VAT1L: variants seen among roughly 807,000 people sequenced by gnomAD.
The protein encoded by VAT1L is vesicle amine transport 1 like.
A neutral mutation model predicts 44.1 loss-of-function variants in VAT1L; 34 were observed. That is an observed-to-expected ratio of 0.77 (90% CI 0.59 to 1.03). The LOEUF (loss-of-function observed/expected upper bound fraction) is 1.03. Ranked by LOEUF, VAT1L falls within the 50% of genes least tolerant of loss-of-function variation. The pLI, the probability that VAT1L is intolerant of heterozygous loss-of-function variation, is 0.00. For missense variants in VAT1L, 615 were observed against 538.8 expected (o/e 1.14, Z -1.40); for synonymous variants, 253 against 202.2 (o/e 1.25, Z -2.13).
At chr16:77,959,838 G>C (rs889423373) in intron 7 of VAT1L, among the ~76,000 whole-genome samples, 1 of 152,154 alleles carries the variant, frequency 6.6e-6, no homozygotes, top group Non-Finnish European at 1.5e-5. Context: ...CCACATTCAT[G>C]GAAACTCTTT....
In VAT1L at chr16:77,879,677, T is replaced by C. The variant is rs904683421; in HGVS notation, c.882+453T>C. On this transcript the variant is annotated intron_variant, in intron 6 of 8. Transcript: ENST00000302536. The surrounding 1 kb of genome is among the most constrained non-coding windows in gnomAD (Gnocchi z 4.1). The stretch of plus-strand genomic sequence containing the variant: ...AAACCTGCACTCCTGCCCTATTCCC[T>C]GCAAATGGTCAGGACCAGAATTTAG... Among the ~76,000 whole-genome samples the C allele has an allele frequency of 2.0e-5, 3 of 152,220 alleles. No homozygotes were observed. The highest frequency in any genetic ancestry group is 7.2e-5 in the African/African-American group (3 of 41,456).
chr16:77,975,743 A>G (rs1813695823), intron 8 of VAT1L, among the ~76,000 whole-genome samples: 1 of 152,168 alleles, frequency 6.6e-6, no homozygotes, highest in Non-Finnish European at 1.5e-5. Context: ...CAAAGTCGAA[A>G]CTCATCCTAT....
chr16:77,832,747 C>G (rs186830801), intron 3 of VAT1L, among the ~76,000 whole-genome samples: 2 of 152,292 alleles, frequency 1.3e-5, no homozygotes, highest in East Asian at 3.9e-4. Flanking sequence ...GGATAAACCA[C>G]ACAAGGGAGG....
Position 77,878,238 on chromosome 16 carries a change from T to C in VAT1L, c.827-931T>C, listed in dbSNP as rs148186461. 5.2e-3 allele frequency among the ~76,000 whole-genome samples: 790 copies of C among 152,292 alleles called. 5 individuals are homozygous for C. The highest frequency in any genetic ancestry group is 0.017 in the African/African-American group (726 of 41,556). ...TAAGGGTAATTGCAGTCTTCGGCAT[T>C]AAAAGTAATGGCAAAAACCACAGTT... On this transcript the variant is annotated intron_variant, in intron 5 of 8. Coordinates refer to ENST00000302536, the MANE Select transcript of VAT1L (RefSeq NM_020927.3).
chr16:77,965,817 C>T (rs1049779244), intron 7 of VAT1L, among the ~76,000 whole-genome samples: 2 of 152,158 alleles, frequency 1.3e-5, no homozygotes, highest in Non-Finnish European at 2.9e-5. Context: ...CTCCACATAT[C>T]CACTTTTTCA....
rs926495623 is a variant in VAT1L, at chr16:77,977,145, G to A, written c.1162-452G>A. 3.2e-4 allele frequency among the ~76,000 whole-genome samples: 48 copies of A among 152,112 alleles called. 1 individual carries two copies. The highest frequency in any genetic ancestry group is 1.1e-3 in the African/African-American group (45 of 41,430). On this transcript the variant is annotated intron_variant, in intron 8 of 8. Coordinates refer to ENST00000302536, the MANE Select transcript of VAT1L (RefSeq NM_020927.3). ...TGCTTGAGTTTTGCACAGAAACTGC[G>A]TGGGGTGCAGGGAGATAACTCACCT...
intron 2 of VAT1L, among the ~76,000 whole-genome samples, chr16:77,820,668 G>A (rs763885583): frequency 6.6e-5 from 10 of 152,106 alleles, no homozygotes; most frequent in Non-Finnish European, 1.3e-4. Context: ...TTCTGCTTCT[G>A]CTCTTCAAAG....
chr16:77,945,826 A>G (rs1022454422), intron 7 of VAT1L, among the ~76,000 whole-genome samples: 19 of 147,608 alleles, frequency 1.3e-4, no homozygotes, highest in Admixed American at 1.2e-3. Flanking sequence ...TTTTTGAGAC[A>G]AAGTCTCGCT....
At chr16:77,904,010 A>ACT (rs2017412796) in intron 7 of VAT1L, among the ~76,000 whole-genome samples, 1 of 152,038 alleles carries the variant, frequency 6.6e-6, no homozygotes. Flanking sequence ...TTCTGAGATT[A>ACT]CAGGTATGAG....
At position 77,939,908 on chromosome 16, in the gene VAT1L, T is replaced by C. The variant is rs184842515; in HGVS notation, c.1078-31942T>C. Reference sequence around the variant, plus strand: ...TGGAAAGGCTTGTTAGTCTGCTTTATATACAATGATCAATTACAGCAAATT... The same window carrying C: ...TGGAAAGGCTTGTTAGTCTGCTTTACATACAATGATCAATTACAGCAAATT... On this transcript the variant is annotated intron_variant, in intron 7 of 8. Coordinates refer to ENST00000302536, the MANE Select transcript of VAT1L (RefSeq NM_020927.3). Among the ~76,000 whole-genome samples the C allele has an allele frequency of 1.6e-3, 248 of 152,320 alleles. 1 individual carries two copies. The highest frequency in any genetic ancestry group is 5.8e-3 in the African/African-American group (241 of 41,566).
intron 6 of VAT1L, among the ~76,000 whole-genome samples, chr16:77,881,808 G>C (rs555330978): frequency 2.6e-5 from 4 of 152,382 alleles, no homozygotes; most frequent in African/African-American, 9.6e-5. Flanking sequence ...GCCATGCACA[G>C]CTGCTCTGTT....
At chr16:77,844,989 T>C (rs539484651) in intron 3 of VAT1L, among the ~76,000 whole-genome samples, 1 of 152,264 alleles carries the variant, frequency 6.6e-6, no homozygotes, top group South Asian at 2.1e-4. Context: ...AGGAGGCAGT[T>C]ATGTGAAAAG....
intron 7 of VAT1L, among the ~76,000 whole-genome samples, chr16:77,930,489 T>G (rs942030977): frequency 6.6e-6 from 1 of 151,920 alleles, no homozygotes; most frequent in Non-Finnish European, 1.5e-5. Context: ...CGGAAGGAGG[T>G]GTGAGGTAGA....
At chr16:77,835,268 A>G (rs1407970471) in intron 3 of VAT1L, among the ~76,000 whole-genome samples, 1 of 152,158 alleles carries the variant, frequency 6.6e-6, no homozygotes, top group Non-Finnish European at 1.5e-5. Flanking sequence ...AATCATTCCC[A>G]GTGATCTTGT....
chr16:77,803,946 T>A (rs1296592411), intron 1 of VAT1L, among the ~76,000 whole-genome samples: 1 of 152,154 alleles, frequency 6.6e-6, no homozygotes, highest in Admixed American at 6.5e-5. Context: ...GAGAAGAACC[T>A]GATCCCAGTG....
intron 7 of VAT1L, among the ~76,000 whole-genome samples, chr16:77,922,424 A>T (rs1464027560): frequency 6.6e-6 from 1 of 152,178 alleles, no homozygotes; most frequent in Non-Finnish European, 1.5e-5. Context: ...CACTGTTAGA[A>T]ATGTGCTGCT....
intron 4 of VAT1L, among the ~76,000 whole-genome samples, chr16:77,865,570 A>G (rs551442505): frequency 1.3e-5 from 2 of 152,138 alleles, no homozygotes; most frequent in Non-Finnish European, 2.9e-5. Context: ...ACTGATTCAC[A>G]TTTTCGACAT....
intron 7 of VAT1L, among the ~76,000 whole-genome samples, chr16:77,920,078 C>CA (rs897266630): frequency 6.0e-5 from 9 of 149,104 alleles, no homozygotes; most frequent in South Asian, 2.1e-4. Flanking sequence ...AGACTCTGTC[C>CA]AAAAAAAAAT....
intron 1 of VAT1L, among the ~76,000 whole-genome samples, chr16:77,813,264 CTTA>C (rs920901280): frequency 2.6e-5 from 4 of 151,970 alleles, no homozygotes; most frequent in African/African-American, 9.7e-5. Context: ...GGGTAAATAA[CTTA>C]TTATCTCTAA....
Sources: allele counts gnomAD v4.1 joint callset (sites outside exome capture counted in the v4.1 genomes callset), GRCh38; gene constraint gnomAD v4.1.1; non-coding constraint Gnocchi (gnomAD v3.1); transcripts MANE v1.5; gene names NCBI Gene and HGNC (gene_info 2026-07-23, HGNC 2026-07-21).